Variants in NRG1 observed in about 807,000 individuals in gnomAD.
NRG1 encodes neuregulin 1.
In NRG1, 18 loss-of-function variants were observed where a neutral mutation model predicts 63.8. The observed-to-expected ratio is 0.28, with a 90% confidence interval of 0.19 to 0.42. The LOEUF is 0.42. NRG1 is among the 10% of genes least tolerant of loss of function. The pLI, the probability that NRG1 is intolerant of heterozygous loss-of-function variation, is 1.00. For synonymous variants in NRG1, 302 were observed against 301.3 expected, an observed-to-expected ratio of 1.00 and a Z score of -0.02; for missense variants, 762 against 814.7, an observed-to-expected ratio of 0.94 and a Z score of 0.79.
rs202082360 is a variant in NRG1 at position 32,119,820 on chromosome 8, C to CA, written c.38-475999dup. Among the ~76,000 whole-genome samples the CA allele has an allele frequency of 2.8e-3, 417 of 149,724 alleles. 3 individuals are homozygous for CA. The highest frequency in any genetic ancestry group is 9.0e-3 in the African/African-American group (367 of 40,976). ...CCTAACAATCTGTTTTCCCACCTAG[C>CA]AAAAAAAAATGTGACCACAAAAATA... On this transcript the variant is annotated intron_variant, in intron 1 of 10. Transcript: ENST00000519301.
chr8:31,830,345 CCT>C, intron 1 of NRG1, among the ~76,000 whole-genome samples: 1 of 114,402 alleles, frequency 8.7e-6, no homozygotes, highest in African/African-American at 3.3e-5. Context: ...TTCCTTCCTT[CCT>C]TCCTTCCTTC....
Position 32,215,524 on chromosome 8 carries a change from T to C in NRG1, c.38-380304T>C, listed in dbSNP as rs1044912053. Among the ~76,000 whole-genome samples the C allele has an allele frequency of 2.0e-5, 3 of 152,266 alleles. No homozygotes were observed. The South Asian group carries it at 6.2e-4, about 32-fold the overall frequency. On this transcript the variant is annotated intron_variant, in intron 1 of 10. Transcript: ENST00000519301. ...CATCTCACTAATCCTCACACACTTA[T>C]GAGGAAACTACTGAGAGTGTATGCA...
At chr8:31,751,720 G>A (rs1263028379) in intron 1 of NRG1, among the ~76,000 whole-genome samples, 1 of 151,876 alleles carries the variant, frequency 6.6e-6, no homozygotes, top group Non-Finnish European at 1.5e-5. Flanking sequence ...GGATGTTTGT[G>A]GTAGAGATGG....
At chr8:32,079,973 A>C (rs992601722) in intron 1 of NRG1, among the ~76,000 whole-genome samples, 3 of 152,182 alleles carry the variant, frequency 2.0e-5, no homozygotes, top group Non-Finnish European at 4.4e-5. Flanking sequence ...TATTTGTTTT[A>C]ATAAAGTAGT....
chr8:31,870,256 G>A lies in NRG1; in HGVS notation c.37+230825G>A, dbSNP rs7830189. Among the ~76,000 whole-genome samples, 234 of 152,144 alleles carry A rather than the reference G, an allele frequency of 1.5e-3. 1 individual carries two copies. The highest frequency in any genetic ancestry group is 5.1e-3 in the African/African-American group (212 of 41,534). ...AAAAAAAAAGGAATGTAGTCAGATG[G>A]TAAATTTAGTCTAATTATATTTAGA... On this transcript the variant is annotated intron_variant, in intron 1 of 10. Transcript: ENST00000519301.
At chr8:31,737,086 A>G (rs1487901049) in intron 1 of NRG1, among the ~76,000 whole-genome samples, 1 of 152,168 alleles carries the variant, frequency 6.6e-6, no homozygotes, top group Non-Finnish European at 1.5e-5. Flanking sequence ...ACTTCTAGGA[A>G]AGATATCAAA....
At chr8:32,503,889 T>C (rs1828198939) in intron 1 of NRG1, among the ~76,000 whole-genome samples, 1 of 152,170 alleles carries the variant, frequency 6.6e-6, no homozygotes, top group African/African-American at 2.4e-5. Context: ...TTTTATACGC[T>C]GGCATGCTTC....
intron 1 of NRG1, among the ~76,000 whole-genome samples, chr8:32,184,287 T>C (rs930089225): frequency 2.0e-5 from 3 of 152,150 alleles, no homozygotes; most frequent in Admixed American, 6.5e-5. Flanking sequence ...AAAGTTTATT[T>C]TGACACTTTA....
At chr8:31,786,863 T>C (rs936588498) in intron 1 of NRG1, among the ~76,000 whole-genome samples, 2 of 152,118 alleles carry the variant, frequency 1.3e-5, no homozygotes, top group African/African-American at 2.4e-5. Flanking sequence ...CCAATCCTTT[T>C]GGGTTTTTAC....
At chr8:31,672,951 GTT>G (rs5890593) in intron 1 of NRG1, among the ~76,000 whole-genome samples, 16 of 143,078 alleles carry the variant, frequency 1.1e-4, no homozygotes, top group African/African-American at 3.6e-4. Context: ...TAGAATCATA[GTT>G]TTTTTTTTTT....
chr8:32,622,459 G>T (rs1396798368), intron 5 of NRG1, among the ~76,000 whole-genome samples: 4 of 152,044 alleles, frequency 2.6e-5, no homozygotes, highest in Non-Finnish European at 5.9e-5. Context: ...CTGGAGTGCA[G>T]TAGTGCACTC....
chr8:31,640,718 G>T lies in NRG1; in HGVS notation c.37+1287G>T. 2 of 1,590,118 alleles carry T rather than the reference G, an allele frequency of 1.3e-6. No homozygotes were observed. Among genetic ancestry groups the T allele is most frequent in the South Asian group, 1.1e-5 (1 of 88,348 alleles). On this transcript the variant is annotated intron_variant, in intron 1 of 10. Transcript: ENST00000519301. The surrounding 1 kb of genome is among the most constrained non-coding windows in gnomAD (Gnocchi z 6.3). Reference sequence around the variant, plus strand: ...AAGAAGGAGGTCAGCCGGGTGCTGTGCAAGCGGTGCGGTAAGTTCCTCGCC... The same window carrying T: ...AAGAAGGAGGTCAGCCGGGTGCTGTTCAAGCGGTGCGGTAAGTTCCTCGCC...
At chr8:31,726,585 G>T in intron 1 of NRG1, among the ~76,000 whole-genome samples, 1 of 152,138 alleles carries the variant, frequency 6.6e-6, no homozygotes, top group East Asian at 1.9e-4. Flanking sequence ...AGAATTTGAG[G>T]CAGATAATAT....
chr8:32,074,240 AT>A (rs1415570539), intron 1 of NRG1, among the ~76,000 whole-genome samples: 4 of 151,954 alleles, frequency 2.6e-5, no homozygotes, highest in African/African-American at 7.3e-5. Context: ...TACTTTTGAG[AT>A]TTTTTTGGTC....
In NRG1 at chr8:32,761,028, C is replaced by T. The variant is rs918074554; in HGVS notation, c.1259+622C>T. 35 of 979,474 alleles carry T rather than the reference C, an allele frequency of 3.6e-5. 2 individuals carry two copies. Among genetic ancestry groups the T allele is most frequent in the South Asian group, 4.7e-5 (1 of 21,186 alleles). 60.7% of individuals were successfully genotyped at this position (979,474 alleles called of 1,614,324 possible). A position where few individuals can be genotyped will look rare whatever the true frequency, so the allele number is the denominator to read the frequency against. On this transcript the variant is annotated intron_variant, in intron 11 of 11. Coordinates refer to ENST00000356819, the Ensembl canonical transcript of NRG1. Reference sequence around the variant, plus strand: ...TCACGGGTGGTTTTCAAAGCAGATACTGCCTTCAAGATGGCCCTTTATTCC... The same window carrying T: ...TCACGGGTGGTTTTCAAAGCAGATATTGCCTTCAAGATGGCCCTTTATTCC...
chr8:32,085,886 G>T (rs1341945983), intron 1 of NRG1, among the ~76,000 whole-genome samples: 1 of 152,172 alleles, frequency 6.6e-6, no homozygotes, highest in Non-Finnish European at 1.5e-5. Flanking sequence ...AAGTGAATTG[G>T]ATCACACAGA....
At chr8:32,000,372 C>CT (rs1204639824) in intron 1 of NRG1, among the ~76,000 whole-genome samples, 8 of 150,922 alleles carry the variant, frequency 5.3e-5, no homozygotes, top group East Asian at 2.0e-4. Flanking sequence ...TCACCTTGTT[C>CT]TTTTTTTTTA....
chr8:32,167,980 T>C (rs1265653238), intron 1 of NRG1, among the ~76,000 whole-genome samples: 1 of 152,130 alleles, frequency 6.6e-6, no homozygotes, highest in East Asian at 1.9e-4. Context: ...AAACATGCAT[T>C]TTGATATACT....
chr8:32,664,665 T>G (rs975049626), intron 5 of NRG1, among the ~76,000 whole-genome samples: 1 of 152,010 alleles, frequency 6.6e-6, no homozygotes, highest in Non-Finnish European at 1.5e-5. Context: ...ATGGTGATGA[T>G]AGTGACAATC....
Sources: gnomAD v4.1 joint callset for allele counts (sites outside exome capture counted in the v4.1 genomes callset) on GRCh38, gnomAD v4.1.1 for gene constraint, Gnocchi (gnomAD v3.1) non-coding constraint, MANE v1.5 for transcripts, NCBI Gene and HGNC (gene_info 2026-07-23, HGNC 2026-07-21) for gene names.